The following SGIP1 variants were observed in gnomAD, a reference collection of about 807,000 sequenced individuals.
SGIP1 encodes the protein SH3GL interacting endocytic adaptor 1.
Under a neutral mutation model 107.5 loss-of-function variants are expected in SGIP1, and 38 were observed. The ratio of observed to expected loss-of-function variants is 0.35; its 90% CI spans 0.27 to 0.46. The LOEUF is 0.46. Ranked by LOEUF, SGIP1 falls within the 20% of genes least tolerant of loss-of-function variation. The pLI, the probability that SGIP1 is intolerant of heterozygous loss-of-function variation, is 1.00. For missense variants in SGIP1, 929 were observed against 1,019.5 expected (o/e 0.91, Z 1.21); for synonymous variants, 365 against 366.1 (o/e 1.00, Z 0.03).
intron 17 of SGIP1, among the ~76,000 whole-genome samples, chr1:66,692,950 A>G (rs2090183828): frequency 6.6e-6 from 1 of 152,222 alleles, no homozygotes; most frequent in African/African-American, 2.4e-5. Context: ...AAGAGCTCCT[A>G]TACAACTGCC....
At chr1:66,667,639 C>A (rs2082863304) in intron 9 of SGIP1, 98 bp downstream of exon 9, 1 of 1,034,834 alleles carries the variant, frequency 9.7e-7, no homozygotes, top group Admixed American at 1.7e-5. Context: ...TATGATAACC[C>A]AGTGTGAATG....
intron 1 of SGIP1, among the ~76,000 whole-genome samples, chr1:66,597,427 T>C (rs2064923305): frequency 6.6e-6 from 1 of 152,246 alleles, no homozygotes; most frequent in South Asian, 2.1e-4. Flanking sequence ...AATATGAAAC[T>C]GTAAAATAAC....
intron 3 of SGIP1, among the ~76,000 whole-genome samples, chr1:66,635,424 A>G (rs372400206): frequency 6.6e-6 from 1 of 152,180 alleles, no homozygotes; most frequent in African/African-American, 2.4e-5. Flanking sequence ...TCAGGGTCAT[A>G]GCCTTTGCTG....
upstream of SGIP1, chr1:66,534,107 G>C (rs1210904448): frequency 1.7e-6 from 1 of 581,584 alleles, no homozygotes; most frequent in African/African-American, 1.9e-5. Context: ...GGCAGCGCAG[G>C]CGGTGCAGCT....
chr1:66,748,343 T>G lies in SGIP1; in HGVS notation c.*5248T>G, dbSNP rs2094580810. On this transcript the variant is annotated 3_prime_UTR_variant, in exon 25 of 25. Coordinates refer to ENST00000371037, the MANE Select transcript of SGIP1 (RefSeq NM_032291.4). ...TCATTGCTTCAATGTTCTGTCATCT[T>G]CTGCAAGCTAGAGTTGCACTGCTGA... The G allele has an allele frequency of 6.6e-6, 1 of 152,026 alleles. No individual in the cohort carries two copies. The highest frequency in any genetic ancestry group is 1.5e-5 in the Non-Finnish European group (1 of 67,866). The allele number at this position is 152,026 out of a possible 1,614,324, so 9.4% of individuals were successfully genotyped here.
intron 21 of SGIP1, among the ~76,000 whole-genome samples, chr1:66,737,060 T>G (rs17129401): frequency 0.017 from 2,536 of 152,272 alleles, 80 homozygotes; most frequent in African/African-American, 0.058. Context: ...CCAAAATATT[T>G]AAACATGCTT....
intron 1 of SGIP1, among the ~76,000 whole-genome samples, chr1:66,545,336 C>T (rs1856316): frequency 0.12 from 17,900 of 152,192 alleles, 1,126 homozygotes; most frequent in South Asian, 0.16. Flanking sequence ...TATATGGAAA[C>T]AGTCTGTTCT....
At chr1:66,714,525 G>C (rs556383051) in intron 18 of SGIP1, among the ~76,000 whole-genome samples, 1 of 152,224 alleles carries the variant, frequency 6.6e-6, no homozygotes, top group East Asian at 1.9e-4. Flanking sequence ...GTACATGGTA[G>C]TGTCTCAGTA....
chr1:66,597,848 C>T (rs12023176), intron 1 of SGIP1, among the ~76,000 whole-genome samples: 11,594 of 152,238 alleles, frequency 0.076, 777 homozygotes, highest in East Asian at 0.31. Context: ...GCAAGATTCA[C>T]ATGCTTGCTG....
intron 18 of SGIP1, among the ~76,000 whole-genome samples, chr1:66,711,743 G>C (rs1000410738): frequency 2.6e-5 from 4 of 152,184 alleles, no homozygotes; most frequent in Admixed American, 2.0e-4. Context: ...TGCAAAATGG[G>C]GACAGTCTTT....
At position 66,749,397 on chromosome 1, in the gene SGIP1, C is replaced by G. The variant is rs537692495; in HGVS notation, c.*6302C>G. 6.6e-6 allele frequency among the ~76,000 whole-genome samples: 1 copy of G among 151,038 alleles called. No homozygotes were observed. The highest frequency in any genetic ancestry group is 2.4e-5 in the African/African-American group (1 of 41,272). On this transcript the variant is annotated 3_prime_UTR_variant, in exon 25 of 25. Coordinates refer to ENST00000371037, the MANE Select transcript of SGIP1 (RefSeq NM_032291.4). ...GCTAAGAGCAGTGCACTGTTTAGCA[C>G]AGATTTTGTGAGATTCTATACTCTT...
At chr1:66,741,245 A>G (rs1317522614) in intron 23 of SGIP1, 27 bp from the exon 24 acceptor site, 1 of 1,543,776 alleles carries the variant, frequency 6.5e-7, no homozygotes, top group East Asian at 2.3e-5. Context: ...GTTGACTGTT[A>G]CCTTGTAATA....
intron 7 of SGIP1, chr1:66,660,010 G>T (rs2080760021): frequency 4.0e-5 from 3 of 75,670 alleles, no homozygotes; most frequent in Non-Finnish European, 6.4e-5. Flanking sequence ...CAGACAGACA[G>T]ACAGACAGGA....
At chr1:66,631,667 TTCTCTCTCTCTCTTTC>T (rs1170935614) in intron 2 of SGIP1, among the ~76,000 whole-genome samples, 134 of 95,306 alleles carry the variant, frequency 1.4e-3, no homozygotes, top group African/African-American at 4.6e-3. Context: ...CTCTCTCTCT[TTCTCTCTCTCTCTTTC>T]TCTCTCTCTC....
At chr1:66,637,428 C>T in intron 4 of SGIP1, among the ~76,000 whole-genome samples, 1 of 148,006 alleles carries the variant, frequency 6.8e-6, no homozygotes, top group Non-Finnish European at 1.5e-5. Context: ...GACCAAATTC[C>T]TCTAATAAAG....
At chr1:66,629,354 A>G (rs1291598063) in intron 2 of SGIP1, among the ~76,000 whole-genome samples, 1 of 152,198 alleles carries the variant, frequency 6.6e-6, no homozygotes, top group Non-Finnish European at 1.5e-5. Flanking sequence ...TGTTGCGCTG[A>G]TATCTTTTTT....
At chr1:66,659,950 A>AAAAGAAAGAAAGAAAG (rs71058469) in intron 7 of SGIP1, among the ~76,000 whole-genome samples, 8 of 43,036 alleles carry the variant, frequency 1.9e-4, no homozygotes, top group Admixed American at 1.5e-3. Flanking sequence ...AAAAGAAAGA[A>AAAAGAAAGAAAGAAAG]AAAGAAAGAA....
chr1:66,654,677 C>CA (rs1445293026), intron 7 of SGIP1, among the ~76,000 whole-genome samples: 2 of 152,026 alleles, frequency 1.3e-5, no homozygotes, highest in African/African-American at 4.8e-5. Flanking sequence ...TTAATTATGT[C>CA]AAAAAATTTT....
Position 66,672,013 on chromosome 1 carries a change from T to C in SGIP1, c.560+18T>C. 4 of 1,613,080 alleles carry C rather than the reference T, an allele frequency of 2.5e-6. No homozygotes were observed. The highest frequency in any genetic ancestry group is 3.4e-6 in the Non-Finnish European group (4 of 1,179,256). ...CTTATAAGGTGAGTGTGAAAGACAT[T>C]AGTTGTGTTTTATGCAAGGCATCAT... On this transcript the variant is annotated intron_variant, in intron 11 of 24. Transcript: ENST00000371037.
Sources: allele counts gnomAD v4.1 joint callset (sites outside exome capture counted in the v4.1 genomes callset), GRCh38; gene constraint gnomAD v4.1.1; transcripts MANE v1.5; gene names NCBI Gene and HGNC (gene_info 2026-07-23, HGNC 2026-07-21).